Variants in FRMPD2 observed in about 807,000 individuals in gnomAD.
FRMPD2 encodes the protein FERM and PDZ domain-containing protein 2.
Under a neutral mutation model 140.1 loss-of-function variants are expected in FRMPD2, and 96 were observed. The observed-to-expected ratio is 0.69, with a 90% CI of 0.58 to 0.81. The LOEUF is 0.81. Among genes scored for constraint, FRMPD2 ranks in the 40% least tolerant of loss-of-function variants. FRMPD2 has a pLI of 0.00. For synonymous variants in FRMPD2, 449 were observed against 547.6 expected (o/e 0.82, Z 2.52); for missense variants, 1,240 against 1,447.4 (o/e 0.86, Z 2.32).
At chr10:48,209,292 A>T (rs1358102341) in intron 13 of FRMPD2, among the ~76,000 whole-genome samples, 1 of 152,242 alleles carries the variant, frequency 6.6e-6, no homozygotes, top group African/African-American at 2.4e-5. Flanking sequence ...CTATGTGGGA[A>T]AATGGCTCCA....
chr10:48,233,795 C>A (rs1487717843), intron 9 of FRMPD2, among the ~76,000 whole-genome samples: 1 of 152,162 alleles, frequency 6.6e-6, no homozygotes, highest in African/African-American at 2.4e-5. Flanking sequence ...TTCATCCTCC[C>A]CACACAGTGA....
intron 5 of FRMPD2, among the ~76,000 whole-genome samples, chr10:48,241,226 G>T (rs924535245): frequency 6.6e-6 from 1 of 152,096 alleles, no homozygotes; most frequent in Non-Finnish European, 1.5e-5. Context: ...GACTGTTGCC[G>T]CTGTCCACCC....
At chr10:48,208,916 G>A (rs1367211904) in intron 13 of FRMPD2, among the ~76,000 whole-genome samples, 2 of 152,174 alleles carry the variant, frequency 1.3e-5, no homozygotes, top group Admixed American at 6.5e-5. Context: ...CAAATGGATT[G>A]TTATTTCTGA....
At chr10:48,158,139 G>A (rs732240) in intron 28 of FRMPD2, among the ~76,000 whole-genome samples, 1 of 151,506 alleles carries the variant, frequency 6.6e-6, no homozygotes, top group East Asian at 1.9e-4. Flanking sequence ...AGAGACCTAG[G>A]GAAGCCATCA....
At chr10:48,187,581 C>T (rs747737602) in intron 16 of FRMPD2, among the ~76,000 whole-genome samples, 31 of 152,308 alleles carry the variant, frequency 2.0e-4, no homozygotes, top group African/African-American at 6.5e-4. Context: ...GTGCAAGATA[C>T]GTGATCCTGT....
At chr10:48,267,370 C>T (rs2131988264) in intron 1 of FRMPD2, among the ~76,000 whole-genome samples, 1 of 152,256 alleles carries the variant, frequency 6.6e-6, no homozygotes, top group East Asian at 1.9e-4. Context: ...CAATAACCAA[C>T]ATTAGAAACA....
At chr10:48,223,675 C>T (rs1218171495) in intron 10 of FRMPD2, among the ~76,000 whole-genome samples, 1 of 152,190 alleles carries the variant, frequency 6.6e-6, no homozygotes, top group Non-Finnish European at 1.5e-5. Context: ...CAGCCATGGA[C>T]TCCTACAGTC....
At chr10:48,174,128 G>A (rs1271193255) in intron 24 of FRMPD2, among the ~76,000 whole-genome samples, 1 of 152,140 alleles carries the variant, frequency 6.6e-6, no homozygotes. Flanking sequence ...GAAAGAAAGC[G>A]AAAAGTGGCC....
intron 1 of FRMPD2, among the ~76,000 whole-genome samples, chr10:48,263,259 T>C (rs961337481): frequency 3.3e-5 from 5 of 151,764 alleles, no homozygotes; most frequent in African/African-American, 9.7e-5. Flanking sequence ...TTTAGTAAAC[T>C]ACAGAAAAAA....
At chr10:48,183,610 G>A (rs1451053195) in intron 20 of FRMPD2, among the ~76,000 whole-genome samples, 1 of 152,026 alleles carries the variant, frequency 6.6e-6, no homozygotes, top group East Asian at 1.9e-4. Flanking sequence ...CAGCACTTTG[G>A]GAGGCTGAGG....
At chr10:48,222,541 G>A in intron 11 of FRMPD2, 90 bp from the exon 12 acceptor site, 4 of 1,360,930 alleles carry the variant, frequency 2.9e-6, no homozygotes, top group Non-Finnish European at 4.1e-6. Flanking sequence ...TGGGAAGTTG[G>A]AAAAGTAGGG....
chr10:48,240,460 A>G lies in FRMPD2; in HGVS notation c.600T>C (p.Ser200=), dbSNP rs756933003. ...GCAGGTAGCTTCTGTTCTGCTGCAC[A>G]GAGGAGCTTTCCTCCACAACTCTTT... is the stretch of plus-strand genomic sequence containing the variant. ...VEKRVVEESS[S]VQQNRSYLLR... Residue 200 remains serine, a synonymous_variant, in exon 6 of 29, where the codon TCT becomes TCC. Coordinates refer to ENST00000374201, the MANE Select transcript of FRMPD2 (RefSeq NM_001018071.4). 6.2e-6 allele frequency: 10 copies of G among 1,613,786 alleles called. No individual in the cohort carries two copies. The East Asian group carries it at 1.3e-4, about 22-fold the overall frequency.
intron 8 of FRMPD2, among the ~76,000 whole-genome samples, chr10:48,237,779 T>A (rs1840003723): frequency 1.3e-5 from 2 of 152,002 alleles, no homozygotes; most frequent in African/African-American, 4.8e-5. Flanking sequence ...TTATACAGCG[T>A]CCCCCATAGA....
chr10:48,186,893 G>A (rs1205254989), intron 17 of FRMPD2, among the ~76,000 whole-genome samples: 2 of 152,084 alleles, frequency 1.3e-5, no homozygotes, highest in African/African-American at 2.4e-5. Flanking sequence ...GCATAAAGAA[G>A]CATATCTACA....
At chr10:48,222,506 T>C in intron 11 of FRMPD2, 55 bp from the exon 12 acceptor site, 5 of 1,587,862 alleles carry the variant, frequency 3.1e-6, no homozygotes, top group African/African-American at 1.3e-5. Flanking sequence ...AGGGAGAATG[T>C]TAGCACCAGT....
rs1290105500 is a variant in FRMPD2, at chr10:48,212,122, T to C, written c.1456-13A>G. 1.2e-6 allele frequency: 2 copies of C among 1,613,478 alleles called. No homozygotes were observed. The highest frequency in any genetic ancestry group is 2.7e-5 in the African/African-American group (2 of 74,880). ...TACTCTCCACCTGCTGGAAGTAAGA[T>C]GTAGAAGGGAAGGGCACAATCCAGA... On this transcript the variant is annotated splice_polypyrimidine_tract_variant and intron_variant, in intron 12 of 28. Coordinates refer to ENST00000374201, the MANE Select transcript of FRMPD2 (RefSeq NM_001018071.4).
At chr10:48,189,312 T>C (rs1367024) in intron 16 of FRMPD2, among the ~76,000 whole-genome samples, 33,581 of 152,052 alleles carry the variant, frequency 0.22, 4,004 homozygotes, top group Non-Finnish European at 0.26. Flanking sequence ...AGCCACACCT[T>C]CACCTGAGGC....
At chr10:48,206,593 T>C (rs775531762) in intron 14 of FRMPD2, among the ~76,000 whole-genome samples, 155 bp downstream of exon 14, 7 of 152,182 alleles carry the variant, frequency 4.6e-5, no homozygotes, top group Non-Finnish European at 8.8e-5. Context: ...CCAAATATCC[T>C]GCAATGCATC....
At chr10:48,243,973 TA>T (rs1840185101) in intron 4 of FRMPD2, among the ~76,000 whole-genome samples, 1 of 152,226 alleles carries the variant, frequency 6.6e-6, no homozygotes, top group Admixed American at 6.5e-5. Context: ...AATATTAGGA[TA>T]TTTTTATGTA....
Sources: gnomAD v4.1 joint callset for allele counts (sites outside exome capture counted in the v4.1 genomes callset) on GRCh38, gnomAD v4.1.1 for gene constraint, MANE v1.5 for transcripts, NCBI Gene and HGNC (gene_info 2026-07-23, HGNC 2026-07-21) for gene names.